The following IQCJ variants were observed in gnomAD, a reference collection of about 807,000 sequenced individuals.
The protein encoded by IQCJ is IQ motif containing J, also known as IQ domain-containing protein J.
In IQCJ, 9 loss-of-function variants were observed where a neutral mutation model predicts 11.0. That is an observed-to-expected ratio of 0.82 (90% CI 0.49 to 1.43). The LOEUF (loss-of-function observed/expected upper bound fraction) is 1.43, where lower values mean the gene tolerates loss of function less well. IQCJ is among the 40% of genes most tolerant of loss of function. The pLI, the probability that IQCJ is intolerant of heterozygous loss-of-function variation, is 0.00. For missense variants in IQCJ, 146 were observed against 133.2 expected (o/e 1.10, Z -0.47); for synonymous variants, 55 against 51.3 (o/e 1.07, Z -0.31).
intron 1 of IQCJ, among the ~76,000 whole-genome samples, chr3:159,220,018 C>T (rs769122700): frequency 6.6e-6 from 1 of 152,084 alleles, no homozygotes; most frequent in Non-Finnish European, 1.5e-5. Context: ...TGAAAAAAAC[C>T]CAATGGATGA....
At chr3:159,106,446 C>T (rs1718268018) in intron 1 of IQCJ, among the ~76,000 whole-genome samples, 1 of 151,932 alleles carries the variant, frequency 6.6e-6, no homozygotes, top group Non-Finnish European at 1.5e-5. Flanking sequence ...GAATACCTCA[C>T]CACTTAGTCA....
At chr3:159,246,593 G>C (rs1400597804) in intron 2 of IQCJ, among the ~76,000 whole-genome samples, 1 of 152,136 alleles carries the variant, frequency 6.6e-6, no homozygotes, top group African/African-American at 2.4e-5. Flanking sequence ...AATGTACTCA[G>C]GACTAGTCAA....
At chr3:159,127,644 G>A (rs899056917) in intron 1 of IQCJ, among the ~76,000 whole-genome samples, 1 of 152,190 alleles carries the variant, frequency 6.6e-6, no homozygotes, top group Non-Finnish European at 1.5e-5. Flanking sequence ...GACACAGAAA[G>A]CATAGTGCAT....
At chr3:159,094,874 T>A (rs1717617307) in intron 1 of IQCJ, among the ~76,000 whole-genome samples, 2 of 151,878 alleles carry the variant, frequency 1.3e-5, no homozygotes, top group South Asian at 4.1e-4. Context: ...CAAGTTGATA[T>A]TTATCTAATA....
At chr3:159,204,889 C>T (rs957073619) in intron 1 of IQCJ, among the ~76,000 whole-genome samples, 2 of 152,178 alleles carry the variant, frequency 1.3e-5, no homozygotes, top group African/African-American at 4.8e-5. Context: ...TTCTGCATCT[C>T]CTGTGTCCTT....
intron 1 of IQCJ, among the ~76,000 whole-genome samples, chr3:159,187,601 T>C (rs974865505): frequency 1.3e-5 from 2 of 152,186 alleles, no homozygotes; most frequent in African/African-American, 2.4e-5. Context: ...ATAGGATGAG[T>C]TGGAATTGTC....
chr3:159,248,318 G>A (rs1050675272), intron 2 of IQCJ, among the ~76,000 whole-genome samples: 4 of 152,182 alleles, frequency 2.6e-5, no homozygotes, highest in Admixed American at 2.6e-4. Context: ...CATGTCATCA[G>A]ATTGAAAGGA....
intron 1 of IQCJ, among the ~76,000 whole-genome samples, chr3:159,158,862 T>C (rs1721680174): frequency 6.6e-6 from 1 of 152,188 alleles, no homozygotes; most frequent in Non-Finnish European, 1.5e-5. Context: ...CTAAAATTTA[T>C]ACTTGGAATC....
At position 159,229,464 on chromosome 3, in the gene IQCJ, G is replaced by C. The variant is rs944895806; in HGVS notation, c.10-16379G>C. On this transcript the variant is annotated intron_variant, in intron 1 of 3. Transcript: ENST00000397832. ...CGCTCTGGTTATATTGGGCCTTTCA[G>C]GCTGCAGGAAGACAGGGGCTGTGTC... 1.6e-4 allele frequency among the ~76,000 whole-genome samples: 24 copies of C among 152,088 alleles called. No individual in the cohort carries two copies. The East Asian group carries it at 4.5e-3, about 28-fold the overall frequency.
chr3:159,162,246 C>T (rs1208290737), intron 1 of IQCJ, among the ~76,000 whole-genome samples: 1 of 152,156 alleles, frequency 6.6e-6, no homozygotes, highest in Non-Finnish European at 1.5e-5. Flanking sequence ...AGGTCCTTCA[C>T]ATCCCTTGTA....
At chr3:159,149,440 C>T (rs1178987691) in intron 1 of IQCJ, among the ~76,000 whole-genome samples, 1 of 152,076 alleles carries the variant, frequency 6.6e-6, no homozygotes, top group East Asian at 1.9e-4. Flanking sequence ...TTTTTGCTGG[C>T]CTTTTAAAAA....
chr3:159,230,655 G>A (rs1726194133), intron 1 of IQCJ, among the ~76,000 whole-genome samples: 1 of 152,114 alleles, frequency 6.6e-6, no homozygotes, highest in Non-Finnish European at 1.5e-5. Flanking sequence ...AAGCGATGAG[G>A]AAATATAATA....
chr3:159,106,891 C>A (rs1718297737), intron 1 of IQCJ, among the ~76,000 whole-genome samples: 1 of 152,084 alleles, frequency 6.6e-6, no homozygotes. Flanking sequence ...TTACTTAAAG[C>A]TAATGTATAT....
chr3:159,085,443 T>C (rs1185367288), intron 1 of IQCJ, among the ~76,000 whole-genome samples: 1 of 152,030 alleles, frequency 6.6e-6, no homozygotes, highest in East Asian at 1.9e-4. Flanking sequence ...AGTAATGGGA[T>C]GGCTGGGTCA....
chr3:159,102,819 G>T (rs919406231), intron 1 of IQCJ, among the ~76,000 whole-genome samples: 25 of 152,236 alleles, frequency 1.6e-4, no homozygotes, highest in African/African-American at 5.5e-4. Context: ...TAAAATTCCT[G>T]GTGACTTCTG....
chr3:159,127,497 T>C (rs1256087648), intron 1 of IQCJ, among the ~76,000 whole-genome samples: 12 of 152,348 alleles, frequency 7.9e-5, no homozygotes, highest in Admixed American at 7.8e-4. Context: ...TTTTTAATCC[T>C]GGCAGCACTT....
intron 1 of IQCJ, among the ~76,000 whole-genome samples, chr3:159,132,466 T>C (rs1270834789): frequency 2.6e-5 from 4 of 152,218 alleles, no homozygotes; most frequent in Admixed American, 6.6e-5. Flanking sequence ...TCACAAATGA[T>C]TTTTTATTAT....
chr3:159,266,028 G>C (rs1728475498), downstream of IQCJ: 1 of 152,192 alleles, frequency 6.6e-6, no homozygotes. Flanking sequence ...AAGTATGAGT[G>C]CTCAAATTCA....
rs76245727 is a variant in IQCJ at position 159,195,141 on chromosome 3, C to A, written c.10-50702C>A. 1.7e-4 allele frequency among the ~76,000 whole-genome samples: 26 copies of A among 152,004 alleles called. No homozygotes were observed. The East Asian group carries it at 5.0e-3, about 29-fold the overall frequency. Reference sequence around the variant, plus strand: ...AAAAAAAATCTGTATCACTGGAGCACGTTTCCATATCTATAAACTCTTCCT... The same window carrying A: ...AAAAAAAATCTGTATCACTGGAGCAAGTTTCCATATCTATAAACTCTTCCT... On this transcript the variant is annotated intron_variant, in intron 1 of 3. Transcript: ENST00000397832.
Sources: gnomAD v4.1 joint callset for allele counts (sites outside exome capture counted in the v4.1 genomes callset) on GRCh38, gnomAD v4.1.1 for gene constraint, MANE v1.5 for transcripts, NCBI Gene and HGNC (gene_info 2026-07-23, HGNC 2026-07-21) for gene names.